DOCK6: variants seen among roughly 807,000 people sequenced by gnomAD.
DOCK6 encodes the protein dedicator of cytokinesis protein 6.
A neutral mutation model predicts 230.3 loss-of-function variants in DOCK6; 167 were observed. The observed-to-expected ratio is 0.73, with a 90% CI of 0.64 to 0.82. DOCK6 has a LOEUF of 0.82. DOCK6 is among the 40% of genes least tolerant of loss of function. The pLI is 0.00. For missense variants in DOCK6, 2,598 were observed against 2,825.8 expected (o/e 0.92, Z 1.83); for synonymous variants, 1,148 against 1,185.0 (o/e 0.97, Z 0.64).
In DOCK6 at chr19:11,215,660, G is replaced by A. The variant is rs536840189; in HGVS notation, c.4021+141C>T. ...CAGATGGGGACGCACAGGCGCATGT[G>A]TACGGTGATGATTTGTGGACTTCTC... On this transcript the variant is annotated intron_variant, in intron 31 of 47. Transcript: ENST00000294618. The A allele has an allele frequency of 4.2e-6, 6 of 1,433,858 alleles. No homozygotes were observed. The East Asian group carries it at 1.4e-4, about 33-fold the overall frequency. The allele number at this position is 1,433,858 out of a possible 1,614,324, so 88.8% of individuals were successfully genotyped here.
chr19:11,224,189 C>A lies in DOCK6; in HGVS notation c.2956-1083G>T, dbSNP rs544262803. 6.2e-5 allele frequency among the ~76,000 whole-genome samples: 8 copies of A among 129,016 alleles called. No individual in the cohort carries two copies. In the South Asian group the frequency reaches 2.1e-3, roughly 34 times the overall value. 84.6% of individuals were successfully genotyped at this position (129,016 alleles called of 152,430 possible). A position where few individuals can be genotyped will look rare whatever the true frequency, so the allele number is the denominator to read the frequency against. On this transcript the variant is annotated intron_variant, in intron 24 of 47. Transcript: ENST00000294618. ...CTTTCAATGGCAAAAACTGTAATTACTTTTCTTTCTTTCTTTCTTTCTTTC... is the reference window on the plus strand; with the variant it reads ...CTTTCAATGGCAAAAACTGTAATTAATTTTCTTTCTTTCTTTCTTTCTTTC...
chr19:11,224,740 G>A (rs1375754503), intron 24 of DOCK6, among the ~76,000 whole-genome samples: 6 of 152,096 alleles, frequency 3.9e-5, no homozygotes, highest in African/African-American at 1.4e-4. Context: ...CCACTCTGAG[G>A]CCTCACAAGT....
rs1281953315 is a variant in DOCK6, at chr19:11,255,692, CT to C, written c.45-1967del. On this transcript the variant is annotated intron_variant, in intron 1 of 47. Coordinates refer to ENST00000294618, the MANE Select transcript of DOCK6 (RefSeq NM_020812.4). ...GCTTTGGGCAGGTAGGATACCCTCTCTGGGCCTTAGTCCCTCTTAAAATAGA... is the reference window on the plus strand; with the variant it reads ...GCTTTGGGCAGGTAGGATACCCTCTCGGGCCTTAGTCCCTCTTAAAATAGA... Among the ~76,000 whole-genome samples, 3 of 152,344 alleles carry C rather than the reference CT, an allele frequency of 2.0e-5. No homozygotes were observed. In the East Asian group the frequency reaches 5.8e-4, roughly 29 times the overall value.
At chr19:11,220,095 C>T (rs1005447591) in intron 28 of DOCK6, among the ~76,000 whole-genome samples, 3 of 151,782 alleles carry the variant, frequency 2.0e-5, no homozygotes, top group African/African-American at 4.8e-5. Flanking sequence ...CTTGGATTAC[C>T]GGTGCCCACC....
At chr19:11,206,564 A>T (rs938664590) in intron 39 of DOCK6, among the ~76,000 whole-genome samples, 1 of 145,966 alleles carries the variant, frequency 6.9e-6, no homozygotes, top group South Asian at 2.1e-4. Flanking sequence ...CTGTCTCAGA[A>T]AAAAAAAAGA....
At chr19:11,230,741 G>A (rs2079752745) in intron 22 of DOCK6, among the ~76,000 whole-genome samples, 1 of 152,082 alleles carries the variant, frequency 6.6e-6, no homozygotes, top group East Asian at 1.9e-4. Context: ...GAGGTGCCAG[G>A]AATAGCAGAG....
chr19:11,255,856 G>A (rs367784587), intron 1 of DOCK6, among the ~76,000 whole-genome samples: 24 of 152,170 alleles, frequency 1.6e-4, no homozygotes, highest in East Asian at 1.4e-3. Flanking sequence ...GCGCAATCTC[G>A]GCTCACTGCA....
rs1037031455 is a variant in DOCK6, at chr19:11,237,378, T to G, written c.2073+78A>C. 9 of 1,531,822 alleles carry G rather than the reference T, an allele frequency of 5.9e-6. No individual in the cohort carries two copies. The African/African-American group carries it at 9.6e-5, about 16-fold the overall frequency. The allele number at this position is 1,531,822 out of a possible 1,614,324, so 94.9% of individuals were successfully genotyped here. ...TAGAGGATAACAAGCCTCCCAGGAT[T>G]GACAGGAAGGAAGGCAGGTGACTCG... On this transcript the variant is annotated intron_variant, in intron 18 of 47. Coordinates refer to ENST00000294618, the MANE Select transcript of DOCK6 (RefSeq NM_020812.4).
rs1410633372 is a variant in DOCK6, at chr19:11,236,969, G to A, written c.2074-90C>T. On this transcript the variant is annotated intron_variant, in intron 18 of 47. Coordinates refer to ENST00000294618, the MANE Select transcript of DOCK6 (RefSeq NM_020812.4). The surrounding 1 kb of genome is among the most constrained non-coding windows in gnomAD (Gnocchi z 5.2). ...GCCCCAGCCATTGCGACACTGCAGC[G>A]TGAGTGTAGCCCGGTCTGGGGGTGC... 28 of 1,342,720 alleles carry A rather than the reference G, an allele frequency of 2.1e-5. No homozygotes were observed. The highest frequency in any genetic ancestry group is 2.4e-5 in the Non-Finnish European group (24 of 983,342). The allele number at this position is 1,342,720 out of a possible 1,614,324, so 83.2% of individuals were successfully genotyped here. A position where few individuals can be genotyped will look rare whatever the true frequency, so the allele number is the denominator to read the frequency against.
chr19:11,215,511 A>G (rs2079470266), intron 31 of DOCK6, 40 bp from the exon 32 acceptor site: 4 of 1,565,660 alleles, frequency 2.6e-6, no homozygotes, highest in Non-Finnish European at 3.5e-6. Context: ...GCGTAAAAAC[A>G]CAGGGCACAC....
chr19:11,217,559 C>T (rs1007125729), intron 28 of DOCK6, among the ~76,000 whole-genome samples, 168 bp from the exon 29 acceptor site: 2 of 151,924 alleles, frequency 1.3e-5, no homozygotes, highest in Non-Finnish European at 1.5e-5. Context: ...GAGTTCGAGA[C>T]CAGCCTGGCC....
rs1423759101 is a variant in DOCK6 at position 11,256,186 on chromosome 19, C to T, written c.45-2460G>A. The stretch of plus-strand genomic sequence containing the variant: ...ATTCAAAGGATGTGAAAAATTAGGG[C>T]TTTTGTCTTCAAATTCCTAAAGTCG... On this transcript the variant is annotated intron_variant, in intron 1 of 47. Coordinates refer to ENST00000294618, the MANE Select transcript of DOCK6 (RefSeq NM_020812.4). Among the ~76,000 whole-genome samples the T allele has an allele frequency of 2.0e-5, 3 of 152,106 alleles. No individual in the cohort carries two copies. In the East Asian group the frequency reaches 5.8e-4, roughly 29 times the overall value.
In DOCK6 at chr19:11,248,164, G is replaced by A. The variant is rs761025930; in HGVS notation, c.721-13C>T. The A allele has an allele frequency of 6.4e-7, 1 of 1,568,514 alleles. No homozygotes were observed. The highest frequency in any genetic ancestry group is 8.7e-7 in the Non-Finnish European group (1 of 1,143,840). On this transcript the variant is annotated splice_polypyrimidine_tract_variant and intron_variant, in intron 6 of 47. Transcript: ENST00000294618. ...CCACGGCTTCATCCTGCCAAGAGTG[G>A]GGGGTGGGAGCTGGGCGGGAGGAGC...
chr19:11,217,330 C>G lies in DOCK6; in HGVS notation c.3612G>C (p.Gly1204=). 2 of 1,613,516 alleles carry G rather than the reference C, an allele frequency of 1.2e-6. No homozygotes were observed. Among genetic ancestry groups the G allele is most frequent in the South Asian group, 1.1e-5 (1 of 90,988 alleles). Residue 1204 remains glycine, a synonymous_variant, in exon 29 of 48, where the codon GGG becomes GGC. Coordinates refer to ENST00000294618, the MANE Select transcript of DOCK6 (RefSeq NM_020812.4). ...SMLDSDTEGE[G]DIAGTINPSV... is the part of the protein sequence containing the mutation. ...AGGGGTTGATGGTACCCGCAATGTC[C>G]CCTTCGCCTTCTGTGTCTGAGTCAA...
chr19:11,257,026 G>A (rs1048391328), intron 1 of DOCK6, among the ~76,000 whole-genome samples: 2 of 151,410 alleles, frequency 1.3e-5, no homozygotes, highest in Admixed American at 6.6e-5. Flanking sequence ...TCTTACTGTC[G>A]CCCAGGCTGG....
At chr19:11,237,610 C>T in intron 17 of DOCK6, 31 bp downstream of exon 17, 2 of 1,484,842 alleles carry the variant, frequency 1.3e-6, no homozygotes, top group Middle Eastern at 2.0e-4. Context: ...ACGAGGAGGG[C>T]TCAGGGGGAG....
chr19:11,230,560 G>T (rs1315821432), intron 22 of DOCK6, among the ~76,000 whole-genome samples: 4 of 151,918 alleles, frequency 2.6e-5, no homozygotes, highest in African/African-American at 9.7e-5. Context: ...AGAAGGTGAG[G>T]GTGAGTGTAG....
Position 11,243,358 on chromosome 19 carries a change from C to CGGCGGTCTGTCCAGGCT in DOCK6, c.1269_1285dup (p.Arg429GlnfsTer32). On this transcript the variant is annotated frameshift_variant, in exon 12 of 48. Coordinates refer to ENST00000294618, the MANE Select transcript of DOCK6 (RefSeq NM_020812.4). LOFTEE classifies it high-confidence loss of function. The surrounding 1 kb of genome is among the most constrained non-coding windows in gnomAD (Gnocchi z 6.3). ...CGCCCGGTCCTGGGGCCCCCGACGGCGGCGGTCTGTCCAGGCTGGCCGGCG... is the reference window on the plus strand; with the variant it reads ...CGCCCGGTCCTGGGGCCCCCGACGGCGGCGGTCTGTCCAGGCTGGCGGTCTGTCCAGGCTGGCCGGCG... 3 of 1,600,956 alleles carry CGGCGGTCTGTCCAGGCT rather than the reference C, an allele frequency of 1.9e-6. No individual in the cohort carries two copies. Among genetic ancestry groups the CGGCGGTCTGTCCAGGCT allele is most frequent in the Middle Eastern group, 1.7e-4 (1 of 6,046 alleles).
In DOCK6 at chr19:11,243,440, CA is replaced by C. The variant is rs1309826364; in HGVS notation, c.1259-56del. On this transcript the variant is annotated intron_variant, in intron 11 of 47. Coordinates refer to ENST00000294618, the MANE Select transcript of DOCK6 (RefSeq NM_020812.4). This position sits in a 1 kb window ranked among gnomAD's most constrained non-coding sequence, Gnocchi z 6.3. ...GGGACCAAGATGAAACAGGGAGACT[CA>C]GGGGCGGCACAGTTCGGCCAGCAGA... The C allele has an allele frequency of 9.4e-5, 148 of 1,574,522 alleles. No individual in the cohort carries two copies. Among genetic ancestry groups the C allele is most frequent in the Non-Finnish European group, 1.1e-4 (130 of 1,162,094 alleles).
Sources: allele counts gnomAD v4.1 joint callset (sites outside exome capture counted in the v4.1 genomes callset), GRCh38; gene constraint gnomAD v4.1.1; non-coding constraint Gnocchi (gnomAD v3.1); transcripts MANE v1.5; gene names NCBI Gene and HGNC (gene_info 2026-07-23, HGNC 2026-07-21).